The following CSMD1 variants were observed in gnomAD, a reference collection of about 807,000 sequenced individuals.
CSMD1 encodes the protein CUB and sushi domain-containing protein 1.
CSMD1 carries 213 observed loss-of-function variants against 417.5 expected under a neutral mutation model. That is an observed-to-expected ratio of 0.51 (90% CI 0.46 to 0.57). The LOEUF is 0.57. Among genes scored for constraint, CSMD1 ranks in the 20% least tolerant of loss-of-function variants. The probability of loss-of-function intolerance (pLI) is 0.00; values close to 1 mark genes in which losing one functional copy is unlikely to be tolerated. For synonymous variants in CSMD1, 2,862 were observed against 1,736.8 expected, an observed-to-expected ratio of 1.65 and a Z score of -16.11; for missense variants, 6,923 against 4,529.7, an observed-to-expected ratio of 1.53 and a Z score of -15.17.
At chr8:3,288,330 G>A (rs1286196529) in intron 25 of CSMD1, among the ~76,000 whole-genome samples, 1 of 147,142 alleles carries the variant, frequency 6.8e-6, no homozygotes, top group Non-Finnish European at 1.5e-5. Flanking sequence ...AACGAGGGAG[G>A]ATTCCTTCTT....
At chr8:3,323,049 G>A (rs1239054153) in intron 23 of CSMD1, among the ~76,000 whole-genome samples, 2 of 152,052 alleles carry the variant, frequency 1.3e-5, no homozygotes, top group Non-Finnish European at 2.9e-5. Flanking sequence ...TACAATTCAA[G>A]TCATCACTGT....
At chr8:4,484,812 TA>T (rs1267403065) in intron 2 of CSMD1, among the ~76,000 whole-genome samples, 1 of 149,792 alleles carries the variant, frequency 6.7e-6, no homozygotes, top group Non-Finnish European at 1.5e-5. Context: ...TACTAAAAAA[TA>T]CAAAAAAAAA....
chr8:4,643,897 G>A (rs368901494), intron 1 of CSMD1, among the ~76,000 whole-genome samples: 1 of 152,152 alleles, frequency 6.6e-6, no homozygotes, highest in Admixed American at 6.5e-5. Flanking sequence ...ATGCCCTGTA[G>A]GAGGCTTTGA....
chr8:3,411,693 C>CACGTATATAT (rs1563360893), intron 12 of CSMD1, among the ~76,000 whole-genome samples: 1 of 128,932 alleles, frequency 7.8e-6, no homozygotes, highest in Non-Finnish European at 1.7e-5. Context: ...TGTATATATA[C>CACGTATATAT]ACACGTATAT....
intron 3 of CSMD1, among the ~76,000 whole-genome samples, chr8:4,323,201 A>G (rs1290215678): frequency 9.9e-5 from 15 of 152,174 alleles, no homozygotes; most frequent in East Asian, 1.9e-4. Flanking sequence ...CTAAACTCCT[A>G]TGCAGACCCA....
At chr8:3,853,894 C>A (rs62482678) in intron 5 of CSMD1, among the ~76,000 whole-genome samples, 4 of 145,268 alleles carry the variant, frequency 2.8e-5, no homozygotes, top group East Asian at 2.0e-4. Context: ...ATATATTATA[C>A]TTTAATATAT....
chr8:3,745,514 G>A (rs1461121463), intron 6 of CSMD1, among the ~76,000 whole-genome samples: 1 of 152,144 alleles, frequency 6.6e-6, no homozygotes, highest in Non-Finnish European at 1.5e-5. Context: ...CAGGAAACTC[G>A]CCCAGGATCT....
At chr8:3,888,265 C>A (rs1390661013) in intron 5 of CSMD1, among the ~76,000 whole-genome samples, 1 of 152,032 alleles carries the variant, frequency 6.6e-6, no homozygotes, top group Non-Finnish European at 1.5e-5. Context: ...CTAAATACAC[C>A]CAAATGCCAA....
chr8:3,832,096 T>A (rs184011504), intron 5 of CSMD1, among the ~76,000 whole-genome samples: 1 of 152,180 alleles, frequency 6.6e-6, no homozygotes, highest in Non-Finnish European at 1.5e-5. Flanking sequence ...TGTGGAATCC[T>A]GCCTTATGTG....
chr8:2,941,025 T>C (rs1472128295), intron 69 of CSMD1, among the ~76,000 whole-genome samples: 1 of 152,266 alleles, frequency 6.6e-6, no homozygotes, highest in Non-Finnish European at 1.5e-5. Flanking sequence ...CATATCTTTC[T>C]ACATTTACTA....
chr8:4,184,601 T>G (rs1004061816), intron 3 of CSMD1, among the ~76,000 whole-genome samples: 1 of 151,356 alleles, frequency 6.6e-6, no homozygotes, highest in East Asian at 1.9e-4. Context: ...TTTAGCAAAC[T>G]AACACAGGAA....
At chr8:4,259,977 G>T (rs897231561) in intron 3 of CSMD1, among the ~76,000 whole-genome samples, 1 of 151,260 alleles carries the variant, frequency 6.6e-6, no homozygotes, top group South Asian at 2.1e-4. Flanking sequence ...TTTCACTATT[G>T]ATAACAGACC....
intron 2 of CSMD1, among the ~76,000 whole-genome samples, chr8:4,572,531 TC>T (rs1461049231): frequency 6.6e-6 from 1 of 152,170 alleles, no homozygotes; most frequent in Non-Finnish European, 1.5e-5. Context: ...CCAACCTTTC[TC>T]TCTAGCTGCC....
At chr8:3,631,765 G>C (rs1796795049) in intron 7 of CSMD1, among the ~76,000 whole-genome samples, 1 of 152,104 alleles carries the variant, frequency 6.6e-6, no homozygotes, top group Admixed American at 6.6e-5. Context: ...CGCTCTCAAA[G>C]GATTTATCTT....
intron 12 of CSMD1, among the ~76,000 whole-genome samples, chr8:3,447,114 G>A (rs997099701): frequency 1.3e-5 from 2 of 152,090 alleles, no homozygotes; most frequent in Non-Finnish European, 2.9e-5. Flanking sequence ...AAAGGATTAA[G>A]AAAACATCAA....
chr8:3,840,212 T>C (rs994530231), intron 5 of CSMD1, among the ~76,000 whole-genome samples: 1 of 152,142 alleles, frequency 6.6e-6, no homozygotes, highest in Non-Finnish European at 1.5e-5. Context: ...TGCTTCTGTA[T>C]GTTTGAACCT....
intron 40 of CSMD1, 83 bp from the exon 41 acceptor site, chr8:3,142,757 G>C (rs958493859): frequency 5.3e-6 from 6 of 1,141,744 alleles, no homozygotes; most frequent in Non-Finnish European, 7.9e-6. Flanking sequence ...TGAAGTGTTA[G>C]CAGTCTCCCC....
In CSMD1 at chr8:4,615,683, T is replaced by C. The variant is rs146729995; in HGVS notation, c.302+21659A>G. Among the ~76,000 whole-genome samples the C allele has an allele frequency of 7.2e-3, 1,095 of 152,298 alleles. 11 individuals carry two copies. The highest frequency in any genetic ancestry group is 0.013 in the Non-Finnish European group (883 of 68,026). On this transcript the variant is annotated intron_variant, in intron 2 of 69. Coordinates refer to ENST00000635120, the MANE Select transcript of CSMD1 (RefSeq NM_033225.6). ...AAGGTGTTATTTCCTTATACCATCTTGTGCACATAAACTGTTCTGTTAATT... is the reference window on the plus strand; with the variant it reads ...AAGGTGTTATTTCCTTATACCATCTCGTGCACATAAACTGTTCTGTTAATT...
chr8:3,089,364 G>C (rs529513869), intron 48 of CSMD1, among the ~76,000 whole-genome samples: 1 of 152,348 alleles, frequency 6.6e-6, no homozygotes, highest in African/African-American at 2.4e-5. Context: ...GTATGAAAAG[G>C]ACATTGTTAA....
Sources: gnomAD v4.1 joint callset for allele counts (sites outside exome capture counted in the v4.1 genomes callset) on GRCh38, gnomAD v4.1.1 for gene constraint, MANE v1.5 for transcripts, NCBI Gene and HGNC (gene_info 2026-07-23, HGNC 2026-07-21) for gene names.